The following CDC14B variants were observed in gnomAD, a reference collection of about 807,000 sequenced individuals.
CDC14B encodes dual specificity protein phosphatase CDC14B.
In CDC14B, 22 loss-of-function variants were observed where a neutral mutation model predicts 64.2. The observed-to-expected ratio is 0.34, with a 90% CI of 0.24 to 0.49. The LOEUF is 0.49. Ranked by LOEUF, CDC14B falls within the 20% of genes least tolerant of loss-of-function variation. The pLI, the probability that CDC14B is intolerant of heterozygous loss-of-function variation, is 0.99. For synonymous variants in CDC14B, 191 were observed against 215.8 expected, an observed-to-expected ratio of 0.89 and a Z score of 1.01; for missense variants, 498 against 629.9, an observed-to-expected ratio of 0.79 and a Z score of 2.24.
chr9:96,596,038 A>G (rs751534510), intron 1 of CDC14B, among the ~76,000 whole-genome samples: 2 of 152,138 alleles, frequency 1.3e-5, no homozygotes, highest in African/African-American at 4.8e-5. Context: ...ACTGCATGAT[A>G]TGTGAATTAG....
intron 12 of CDC14B, among the ~76,000 whole-genome samples, chr9:96,517,521 A>G (rs1249058401): frequency 2.1e-5 from 3 of 146,098 alleles, no homozygotes; most frequent in African/African-American, 7.6e-5. Context: ...GCGTGGTGGC[A>G]GGCACCACGC....
rs970105233 is a variant in CDC14B, at chr9:96,610,856, C to T, written c.160+8363G>A. 2.0e-5 allele frequency among the ~76,000 whole-genome samples: 3 copies of T among 152,020 alleles called. 1 individual carries two copies. Among genetic ancestry groups the T allele is most frequent in the African/African-American group, 7.2e-5 (3 of 41,396 alleles). On this transcript the variant is annotated intron_variant, in intron 1 of 13. Coordinates refer to ENST00000375241, the MANE Select transcript of CDC14B (RefSeq NM_033331.4). ...CAGTATTAACTATCACAGAAACCAA[C>T]AAAACCTTTCATATAAAGACAAATT...
At chr9:96,601,231 G>A (rs1165733185) in intron 1 of CDC14B, among the ~76,000 whole-genome samples, 2 of 152,270 alleles carry the variant, frequency 1.3e-5, no homozygotes, top group East Asian at 3.9e-4. Flanking sequence ...AGGTGTGGTG[G>A]CTCACACCTG....
At position 96,523,619 on chromosome 9, in the gene CDC14B, C is replaced by T. The variant is rs530034502; in HGVS notation, c.1053G>A (p.Ser351=). ...IAWVRICRPG[S]VIGPQQQFLV... ...AAAACTGCTGCTGAGGCCCAATCAC[C>T]GAGCCAGGTCTGCAGATCCTGACCC... Residue 351 remains serine (S), a synonymous_variant, in exon 10 of 14, where the codon TCG becomes TCA. Transcript: ENST00000375241. 1.0e-3 allele frequency: 1,661 copies of T among 1,614,166 alleles called. 30 individuals carry two copies. In the South Asian group the frequency reaches 0.017, roughly 16 times the overall value.
chr9:96,562,134 T>C (rs1375437960), intron 4 of CDC14B, among the ~76,000 whole-genome samples: 1 of 152,248 alleles, frequency 6.6e-6, no homozygotes, highest in Non-Finnish European at 1.5e-5. Context: ...TGATGGCATA[T>C]GTATGTAATC....
chr9:96,549,239 C>A (rs1841441139), intron 5 of CDC14B, among the ~76,000 whole-genome samples: 1 of 152,034 alleles, frequency 6.6e-6, no homozygotes, highest in Admixed American at 6.5e-5. Context: ...GGAAAAAAAA[C>A]AAAATACAAG....
chr9:96,520,808 C>A, intron 12 of CDC14B, among the ~76,000 whole-genome samples: 1 of 145,874 alleles, frequency 6.9e-6, no homozygotes, highest in Non-Finnish European at 1.5e-5. Context: ...ACTCTTGGGC[C>A]CCACCCCCAC....
At chr9:96,605,325 T>C (rs896609320) in intron 1 of CDC14B, among the ~76,000 whole-genome samples, 2 of 152,200 alleles carry the variant, frequency 1.3e-5, no homozygotes. Context: ...AGAGTCCATT[T>C]TGCCTACTGT....
At chr9:96,573,558 T>C (rs549226406) in intron 1 of CDC14B, among the ~76,000 whole-genome samples, 1 of 152,280 alleles carries the variant, frequency 6.6e-6, no homozygotes, top group Non-Finnish European at 1.5e-5. Context: ...GTAATTTCCC[T>C]CAAAAGAAAT....
chr9:96,584,364 C>T (rs144140205), intron 1 of CDC14B, among the ~76,000 whole-genome samples: 91 of 152,176 alleles, frequency 6.0e-4, no homozygotes, highest in African/African-American at 2.0e-3. Context: ...GGCTCAGGTC[C>T]GTTTCCAGCA....
chr9:96,503,821 A>G (rs1030112684), intron 13 of CDC14B, 32 bp from the exon 14 acceptor site: 1 of 1,591,210 alleles, frequency 6.3e-7, no homozygotes, highest in Non-Finnish European at 8.6e-7. Context: ...TTTTTACCAG[A>G]AAGTTTACAC....
At chr9:96,600,651 C>T (rs767500983) in intron 1 of CDC14B, among the ~76,000 whole-genome samples, 17 of 151,848 alleles carry the variant, frequency 1.1e-4, no homozygotes, top group East Asian at 1.9e-4. Flanking sequence ...AACAGGTGTG[C>T]GCCACCAAGC....
chr9:96,503,689 TG>T lies in CDC14B; in HGVS notation c.*63del. 1.4e-6 allele frequency: 2 copies of T among 1,422,070 alleles called. No homozygotes were observed. The highest frequency in any genetic ancestry group is 2.0e-6 in the Non-Finnish European group (2 of 1,017,922). The allele number at this position is 1,422,070 out of a possible 1,614,324, so 88.1% of individuals were successfully genotyped here. A position where few individuals can be genotyped will look rare whatever the true frequency, so the allele number is the denominator to read the frequency against. On this transcript the variant is annotated 3_prime_UTR_variant, in exon 14 of 14. Coordinates refer to ENST00000375241, the MANE Select transcript of CDC14B (RefSeq NM_033331.4). ...GCAATTTTGTTTTGTTTTCAAATTG[TG>T]CTAATTTCTGTTGCAGTTTTCAGTC... is the stretch of plus-strand genomic sequence containing the variant.
intron 13 of CDC14B, among the ~76,000 whole-genome samples, chr9:96,494,695 T>C (rs1344807942): frequency 1.4e-5 from 2 of 145,038 alleles, no homozygotes; most frequent in Non-Finnish European, 1.5e-5. Flanking sequence ...ATCTGAGCAC[T>C]CTTTTCTTTC....
At chr9:96,538,202 G>T (rs1839553450) in intron 7 of CDC14B, among the ~76,000 whole-genome samples, 11 of 152,134 alleles carry the variant, frequency 7.2e-5, no homozygotes, top group Admixed American at 7.2e-4. Flanking sequence ...CAATCACTGT[G>T]TGACAGCCAT....
At chr9:96,573,015 A>T (rs1335730384) in intron 1 of CDC14B, among the ~76,000 whole-genome samples, 3 of 152,244 alleles carry the variant, frequency 2.0e-5, no homozygotes, top group Non-Finnish European at 4.4e-5. Flanking sequence ...CTACTAAAAA[A>T]TACAGACACG....
chr9:96,602,383 G>T (rs1376286487), intron 1 of CDC14B, among the ~76,000 whole-genome samples: 1 of 152,072 alleles, frequency 6.6e-6, no homozygotes, highest in Admixed American at 6.6e-5. Context: ...GAGATTTGGG[G>T]GTCTTATTTT....
intron 1 of CDC14B, among the ~76,000 whole-genome samples, chr9:96,572,869 GA>G (rs1182390097): frequency 1.3e-5 from 2 of 152,086 alleles, no homozygotes; most frequent in Non-Finnish European, 2.9e-5. Flanking sequence ...TAAAAAGCAA[GA>G]AAAAATTCCC....
intron 9 of CDC14B, among the ~76,000 whole-genome samples, chr9:96,524,823 G>C (rs937500460): frequency 1.3e-5 from 2 of 152,156 alleles, no homozygotes; most frequent in Admixed American, 1.3e-4. Context: ...ACTTGCATGA[G>C]CCAATTCCTT....
Sources: allele counts gnomAD v4.1 joint callset (sites outside exome capture counted in the v4.1 genomes callset), GRCh38; gene constraint gnomAD v4.1.1; transcripts MANE v1.5; gene names NCBI Gene and HGNC (gene_info 2026-07-23, HGNC 2026-07-21).